Variants in LPP observed in about 807,000 individuals in gnomAD.
LPP encodes lipoma-preferred partner.
Under a neutral mutation model 60.4 loss-of-function variants are expected in LPP, and 38 were observed. The ratio of observed to expected loss-of-function variants is 0.63; its 90% CI spans 0.49 to 0.83. The LOEUF is 0.83. Among genes scored for constraint, LPP ranks in the 40% least tolerant of loss-of-function variants. LPP has a pLI of 0.00. For synonymous variants in LPP, 328 were observed against 290.8 expected (o/e 1.13, Z -1.30); for missense variants, 902 against 783.6 (o/e 1.15, Z -1.80).
At chr3:188,761,651 A>G (rs1309711982) in intron 9 of LPP, among the ~76,000 whole-genome samples, 1 of 152,204 alleles carries the variant, frequency 6.6e-6, no homozygotes, top group Admixed American at 6.5e-5. Flanking sequence ...TTCACGCTCC[A>G]CAGTCTTAGA....
intron 9 of LPP, among the ~76,000 whole-genome samples, chr3:188,815,727 T>C (rs1274739033): frequency 6.6e-6 from 1 of 152,232 alleles, no homozygotes; most frequent in Non-Finnish European, 1.5e-5. Flanking sequence ...CAGCTGGTCT[T>C]CCAATGGCAT....
intron 2 of LPP, among the ~76,000 whole-genome samples, chr3:188,326,157 A>C (rs1000683582): frequency 6.6e-6 from 1 of 152,146 alleles, no homozygotes; most frequent in Admixed American, 6.5e-5. Flanking sequence ...AGTCTTTCTA[A>C]AGCTTTAAGT....
In LPP at chr3:188,254,822, A is replaced by G. The variant is rs1336575057; in HGVS notation, c.-67+29295A>G. ...TATGGGCGCCCTCCTGCAGTGTAAC[A>G]TCCTAACAGGACTTTTGACAGGAAT... is the stretch of plus-strand genomic sequence containing the variant. On this transcript the variant is annotated intron_variant, in intron 2 of 11. Transcript: ENST00000617246. Among the ~76,000 whole-genome samples the G allele has an allele frequency of 2.6e-5, 4 of 152,130 alleles. No individual in the cohort carries two copies. The South Asian group carries it at 8.3e-4, about 31-fold the overall frequency.
chr3:188,746,080 G>A (rs2150243854), intron 8 of LPP, among the ~76,000 whole-genome samples: 1 of 152,136 alleles, frequency 6.6e-6, no homozygotes, highest in Middle Eastern at 3.4e-3. Context: ...TTCTTTAAGA[G>A]ACACCATCAC....
At chr3:188,533,372 C>A (rs1044658663) in intron 6 of LPP, among the ~76,000 whole-genome samples, 5 of 152,218 alleles carry the variant, frequency 3.3e-5, no homozygotes, top group African/African-American at 9.6e-5. Flanking sequence ...ACTGTCCCTA[C>A]AGACTAGAAA....
chr3:188,786,351 C>G (rs911929147), intron 9 of LPP, among the ~76,000 whole-genome samples: 1 of 139,462 alleles, frequency 7.2e-6, no homozygotes, highest in Admixed American at 7.6e-5. Context: ...CCACTGCACT[C>G]CAGCCTGGGC....
intron 2 of LPP, among the ~76,000 whole-genome samples, chr3:188,322,078 T>C (rs917971408): frequency 1.3e-5 from 2 of 152,226 alleles, no homozygotes; most frequent in African/African-American, 4.8e-5. Flanking sequence ...TGCTTACATA[T>C]ACGAATCCCC....
intron 4 of LPP, among the ~76,000 whole-genome samples, chr3:188,450,814 T>A (rs1039238854): frequency 6.6e-6 from 1 of 152,028 alleles, no homozygotes; most frequent in Admixed American, 6.6e-5. Context: ...TACTGTAGAG[T>A]CTTCCAGAGT....
At chr3:188,829,437 C>T (rs1458072311) in intron 9 of LPP, among the ~76,000 whole-genome samples, 1 of 152,184 alleles carries the variant, frequency 6.6e-6, no homozygotes, top group Non-Finnish European at 1.5e-5. Flanking sequence ...CACCCACTCA[C>T]CTCCTAAAAC....
chr3:188,487,557 T>A (rs1223476280), intron 5 of LPP, among the ~76,000 whole-genome samples: 1 of 152,152 alleles, frequency 6.6e-6, no homozygotes, highest in Non-Finnish European at 1.5e-5. Context: ...AAAGGACAAA[T>A]CTGGTAGGGA....
intron 9 of LPP, among the ~76,000 whole-genome samples, chr3:188,823,772 AT>A (rs1296778575): frequency 6.6e-6 from 1 of 150,688 alleles, no homozygotes; most frequent in African/African-American, 2.4e-5. Flanking sequence ...TAGTCCAAAA[AT>A]ATTATGAAAT....
Position 188,444,267 on chromosome 3 carries a change from G to A in LPP, c.193+37954G>A, listed in dbSNP as rs1473340774. 4.0e-5 allele frequency among the ~76,000 whole-genome samples: 6 copies of A among 151,596 alleles called. No individual in the cohort carries two copies. The South Asian group carries it at 1.0e-3, about 26-fold the overall frequency. On this transcript the variant is annotated intron_variant, in intron 4 of 11. Coordinates refer to ENST00000617246, the MANE Select transcript of LPP (RefSeq NM_001375462.1). Reference sequence around the variant, plus strand: ...TAATACAAATAATATAGGGCTGTAAGGGTTTGTATCATTGCATGTATATGT... The same window carrying A: ...TAATACAAATAATATAGGGCTGTAAAGGTTTGTATCATTGCATGTATATGT...
At chr3:188,638,270 A>T (rs2148701043) in intron 7 of LPP, among the ~76,000 whole-genome samples, 1 of 148,552 alleles carries the variant, frequency 6.7e-6, no homozygotes, top group African/African-American at 2.4e-5. Flanking sequence ...AAACCACATG[A>T]TTATCTCAAT....
At chr3:188,826,622 C>T (rs773237398) in intron 9 of LPP, among the ~76,000 whole-genome samples, 3 of 152,104 alleles carry the variant, frequency 2.0e-5, no homozygotes, top group South Asian at 2.1e-4. Flanking sequence ...TCTTTGCTCA[C>T]GTTATTTTCT....
rs1770436101 is a variant in LPP at position 188,884,485 on chromosome 3, G to C, written c.*10006G>C. On this transcript the variant is annotated 3_prime_UTR_variant, in exon 12 of 12. Transcript: ENST00000617246. ...GTGTCTTCTTGTGGGAAACCTCTAG[G>C]TATTCTGTCTGATCAGCACTGTGAG... 1 of 228,952 alleles carries C rather than the reference G, an allele frequency of 4.4e-6. No homozygotes were observed. Among genetic ancestry groups the C allele is most frequent in the East Asian group, 6.3e-5 (1 of 15,996 alleles). 14.2% of individuals were successfully genotyped at this position (228,952 alleles called of 1,614,324 possible).
At chr3:188,328,923 T>A (rs1759208947) in intron 2 of LPP, among the ~76,000 whole-genome samples, 1 of 152,242 alleles carries the variant, frequency 6.6e-6, no homozygotes. Flanking sequence ...AAAGAGAGTC[T>A]TAAGTGAAAC....
At chr3:188,458,000 T>TCC (rs1798152385) in intron 4 of LPP, among the ~76,000 whole-genome samples, 1 of 152,184 alleles carries the variant, frequency 6.6e-6, no homozygotes, top group African/African-American at 2.4e-5. Context: ...GGTATTAAAC[T>TCC]ATGAGCTGAT....
chr3:188,823,690 A>G (rs1432420278), intron 9 of LPP, among the ~76,000 whole-genome samples: 1 of 152,222 alleles, frequency 6.6e-6, no homozygotes, highest in Admixed American at 6.5e-5. Context: ...AACAGAAGAA[A>G]TATGTAGAAT....
intron 9 of LPP, among the ~76,000 whole-genome samples, chr3:188,847,207 A>T (rs1761652022): frequency 6.6e-6 from 1 of 152,168 alleles, no homozygotes; most frequent in South Asian, 2.1e-4. Context: ...TGGTTCTTGT[A>T]TTTGAGTGTG....
Sources: allele counts gnomAD v4.1 joint callset (sites outside exome capture counted in the v4.1 genomes callset), GRCh38; gene constraint gnomAD v4.1.1; transcripts MANE v1.5; gene names NCBI Gene and HGNC (gene_info 2026-07-23, HGNC 2026-07-21).